MIPEP: variants seen among roughly 807,000 people sequenced by gnomAD.
The protein encoded by MIPEP is mitochondrial intermediate peptidase.
Under a neutral mutation model 90.3 loss-of-function variants are expected in MIPEP, and 79 were observed. That is an observed-to-expected ratio of 0.87 (90% CI 0.73 to 1.05). The LOEUF (loss-of-function observed/expected upper bound fraction) is 1.05. Among genes scored for constraint, MIPEP ranks in the 50% least tolerant of loss-of-function variants. The pLI, the probability that MIPEP is intolerant of heterozygous loss-of-function variation, is 0.00. For missense variants in MIPEP, 940 were observed against 905.6 expected, an observed-to-expected ratio of 1.04 and a Z score of -0.49; for synonymous variants, 334 against 315.8, an observed-to-expected ratio of 1.06 and a Z score of -0.61.
At chr13:23,808,126 T>C (rs1953131867) in intron 15 of MIPEP, among the ~76,000 whole-genome samples, 1 of 150,572 alleles carries the variant, frequency 6.6e-6, no homozygotes, top group Admixed American at 6.6e-5. Flanking sequence ...TGAGACAGAG[T>C]CTCGCCCTGT....
intron 16 of MIPEP, among the ~76,000 whole-genome samples, chr13:23,799,652 A>G (rs888095759): frequency 4.6e-5 from 7 of 152,220 alleles, no homozygotes; most frequent in Non-Finnish European, 7.3e-5. Flanking sequence ...TAATGCTAAC[A>G]CGGTGTCACT....
intron 2 of MIPEP, among the ~76,000 whole-genome samples, chr13:23,882,602 A>G (rs1871315213): frequency 6.6e-6 from 1 of 152,210 alleles, no homozygotes; most frequent in Admixed American, 6.5e-5. Context: ...ATGTAAAACT[A>G]AATTTTTGTT....
intron 16 of MIPEP, among the ~76,000 whole-genome samples, chr13:23,796,361 A>G (rs1294417478): frequency 1.3e-5 from 2 of 152,270 alleles, no homozygotes; most frequent in East Asian, 3.9e-4. Flanking sequence ...AGGTTGCAGT[A>G]AGCTGGCATC....
intron 5 of MIPEP, among the ~76,000 whole-genome samples, chr13:23,870,495 G>A (rs1199820822): frequency 6.6e-6 from 1 of 151,928 alleles, no homozygotes; most frequent in Non-Finnish European, 1.5e-5. Flanking sequence ...ATAACTAATT[G>A]TTGAAATTAA....
At chr13:23,738,453 T>G (rs9318018) in intron 18 of MIPEP, among the ~76,000 whole-genome samples, 2,840 of 151,486 alleles carry the variant, frequency 0.019, 103 homozygotes, top group African/African-American at 0.065. Context: ...ACTGAGTTTT[T>G]TTTTTTTTTT....
At chr13:23,737,955 C>T (rs1159711685) in intron 18 of MIPEP, among the ~76,000 whole-genome samples, 5 of 152,130 alleles carry the variant, frequency 3.3e-5, no homozygotes, top group African/African-American at 9.7e-5. Context: ...TATTGCTTGA[C>T]ACCAAGCAAA....
intron 16 of MIPEP, among the ~76,000 whole-genome samples, chr13:23,762,195 TAAC>T (rs1384548752): frequency 6.6e-6 from 1 of 152,054 alleles, no homozygotes. Flanking sequence ...TTAACCATGA[TAAC>T]AACACTCTTT....
At chr13:23,884,669 G>T (rs183648194) in intron 2 of MIPEP, among the ~76,000 whole-genome samples, 2 of 152,198 alleles carry the variant, frequency 1.3e-5, no homozygotes, top group African/African-American at 4.8e-5. Flanking sequence ...CAGCTAACTA[G>T]GCTGTAGAAA....
intron 6 of MIPEP, among the ~76,000 whole-genome samples, chr13:23,869,739 A>G (rs1870701987): frequency 6.6e-6 from 1 of 152,212 alleles, no homozygotes; most frequent in African/African-American, 2.4e-5. Context: ...GTAAGGCTGC[A>G]TGAATTTAAA....
chr13:23,864,459 A>G (rs1870439688), intron 7 of MIPEP, among the ~76,000 whole-genome samples: 1 of 152,078 alleles, frequency 6.6e-6, no homozygotes, highest in Non-Finnish European at 1.5e-5. Context: ...TAATGGGACC[A>G]GGTGGCTCAT....
At chr13:23,751,186 G>A (rs930297122) in intron 18 of MIPEP, among the ~76,000 whole-genome samples, 1 of 152,102 alleles carries the variant, frequency 6.6e-6, no homozygotes, top group Non-Finnish European at 1.5e-5. Flanking sequence ...TGATTCTTTG[G>A]AGTATAAACC....
intron 10 of MIPEP, among the ~76,000 whole-genome samples, chr13:23,853,875 T>C (rs1246202536): frequency 1.3e-5 from 2 of 151,550 alleles, no homozygotes; most frequent in African/African-American, 4.8e-5. Context: ...CCACGATGCA[T>C]TTCTCAGAAT....
Position 23,736,716 on chromosome 13 carries a change from C to G in MIPEP, c.2045-6271G>C, listed in dbSNP as rs188878519. 8.2e-4 allele frequency among the ~76,000 whole-genome samples: 125 copies of G among 152,230 alleles called. 1 individual carries two copies. Among genetic ancestry groups the G allele is most frequent in the Middle Eastern group, 3.4e-3 (1 of 294 alleles). On this transcript the variant is annotated intron_variant, in intron 18 of 18. Coordinates refer to ENST00000382172, the MANE Select transcript of MIPEP (RefSeq NM_005932.4). ...GAGGACTTGACCTGCAGACAGCTGG[C>G]CTAGACGGGGCTCATCAGAGAGAAC...
intron 10 of MIPEP, among the ~76,000 whole-genome samples, chr13:23,849,868 G>C (rs1038580617): frequency 2.0e-5 from 3 of 152,208 alleles, no homozygotes; most frequent in Non-Finnish European, 2.9e-5. Flanking sequence ...TGACGCACCT[G>C]GAATTAAGGT....
intron 8 of MIPEP, 40 bp downstream of exon 8, chr13:23,864,101 A>T: frequency 1.8e-6 from 2 of 1,136,588 alleles, no homozygotes; most frequent in Admixed American, 2.5e-5. Context: ...AGACTAAATA[A>T]CATATAACCA....
intron 18 of MIPEP, among the ~76,000 whole-genome samples, chr13:23,741,831 A>AT (rs1952332647): frequency 6.6e-6 from 1 of 152,096 alleles, no homozygotes; most frequent in Non-Finnish European, 1.5e-5. Flanking sequence ...AATTTAAAAA[A>AT]AAAAAATAAA....
intron 9 of MIPEP, among the ~76,000 whole-genome samples, chr13:23,862,016 C>T (rs1253521251): frequency 6.6e-6 from 1 of 152,082 alleles, no homozygotes; most frequent in Non-Finnish European, 1.5e-5. Flanking sequence ...ACTGAGAAGC[C>T]AACATTCCAC....
chr13:23,876,909 T>A (rs1284712996), intron 4 of MIPEP, among the ~76,000 whole-genome samples: 5 of 152,232 alleles, frequency 3.3e-5, no homozygotes, highest in African/African-American at 4.8e-5. Flanking sequence ...TGGTCTAACA[T>A]CATTTCCTGA....
chr13:23,866,875 G>A (rs1870563681), intron 7 of MIPEP, among the ~76,000 whole-genome samples: 1 of 151,982 alleles, frequency 6.6e-6, no homozygotes, highest in Admixed American at 6.6e-5. Flanking sequence ...CAAGTTTCCG[G>A]TCCTCCCAAT....
Sources: gnomAD v4.1 joint callset for allele counts (sites outside exome capture counted in the v4.1 genomes callset) on GRCh38, gnomAD v4.1.1 for gene constraint, MANE v1.5 for transcripts, NCBI Gene and HGNC (gene_info 2026-07-23, HGNC 2026-07-21) for gene names.